The following MYO5C variants were observed in gnomAD, a reference collection of about 807,000 sequenced individuals.
MYO5C encodes the protein myosin VC.
MYO5C carries 194 observed loss-of-function variants against 235.7 expected under a neutral mutation model. The ratio of observed to expected loss-of-function variants is 0.82; its 90% confidence interval spans 0.73 to 0.93. The LOEUF is 0.93. MYO5C is among the 40% of genes least tolerant of loss of function. MYO5C has a pLI of 0.00. For missense variants in MYO5C, 2,038 were observed against 2,127.2 expected, an observed-to-expected ratio of 0.96 and a Z score of 0.82; for synonymous variants, 707 against 754.8, an observed-to-expected ratio of 0.94 and a Z score of 1.04.
chr15:52,248,203 C>T (rs888410018), intron 14 of MYO5C, among the ~76,000 whole-genome samples: 4 of 152,070 alleles, frequency 2.6e-5, no homozygotes, highest in African/African-American at 9.7e-5. Flanking sequence ...AGTGCAGTGG[C>T]GCAATCATGG....
At chr15:52,271,919 G>T in intron 6 of MYO5C, 75 bp from the exon 7 acceptor site, 1 of 849,244 alleles carries the variant, frequency 1.2e-6, no homozygotes, top group Non-Finnish European at 1.9e-6. Flanking sequence ...TAACTAGAGG[G>T]TCCTAGATAT....
Position 52,295,781 on chromosome 15 carries a change from T to TGTTCCC in MYO5C, c.-151_-146dup, listed in dbSNP as rs2037491300. 2.0e-6 allele frequency: 1 copy of TGTTCCC among 510,534 alleles called. No individual in the cohort carries two copies. The highest frequency in any genetic ancestry group is 2.0e-5 in the African/African-American group (1 of 49,836). 31.6% of individuals were successfully genotyped at this position (510,534 alleles called of 1,614,324 possible). A position where few individuals can be genotyped will look rare whatever the true frequency, so the allele number is the denominator to read the frequency against. ...TGCCCAAAGTTTTCCAACGGCCTCCTGTTCCCGTTCCCGAGTTGGCGGCGA... is the reference window on the plus strand; with the variant it reads ...TGCCCAAAGTTTTCCAACGGCCTCCTGTTCCCGTTCCCGTTCCCGAGTTGGCGGCGA... On this transcript the variant is annotated 5_prime_UTR_variant, in exon 1 of 41. Coordinates refer to ENST00000261839, the MANE Select transcript of MYO5C (RefSeq NM_018728.4).
Position 52,253,297 on chromosome 15 carries a change from C to A in MYO5C, c.1536+20G>T, listed in dbSNP as rs1194158489. ...GTTACTACTTAAAAGCTGAAAAAAA[C>A]AATTATTCTTAAAAGTTACCAAACA... On this transcript the variant is annotated intron_variant, in intron 12 of 40. Coordinates refer to ENST00000261839, the MANE Select transcript of MYO5C (RefSeq NM_018728.4). 6.3e-7 allele frequency: 1 copy of A among 1,594,776 alleles called. No homozygotes were observed. Among genetic ancestry groups the A allele is most frequent in the South Asian group, 1.1e-5 (1 of 88,490 alleles).
intron 21 of MYO5C, among the ~76,000 whole-genome samples, chr15:52,239,356 A>T (rs143560385): frequency 4.6e-5 from 7 of 152,344 alleles, no homozygotes; most frequent in Non-Finnish European, 8.8e-5. Context: ...TAGAAATGGC[A>T]GCTCCTCTGA....
intron 36 of MYO5C, among the ~76,000 whole-genome samples, chr15:52,207,733 G>T (rs768512356): frequency 6.6e-6 from 1 of 152,114 alleles, no homozygotes; most frequent in Non-Finnish European, 1.5e-5. Flanking sequence ...AGGAAAATTA[G>T]AAGCTAAGCT....
At chr15:52,247,628 C>G (rs55870025) in intron 14 of MYO5C, 36 bp from the exon 15 acceptor site, 9 of 1,609,658 alleles carry the variant, frequency 5.6e-6, no homozygotes, top group Non-Finnish European at 7.6e-6. Flanking sequence ...TGTCCAAAAG[C>G]AACTGCCCAC....
chr15:52,221,184 A>G lies in MYO5C; in HGVS notation c.3699T>C (p.Asn1233=). The G allele has an allele frequency of 6.2e-7, 1 of 1,612,868 alleles. No homozygotes were observed. The highest frequency in any genetic ancestry group is 8.5e-7 in the Non-Finnish European group (1 of 1,179,432). The change falls in exon 30 of 41, where the codon AAT becomes AAC. Residue 1233 remains asparagine, a synonymous_variant. Coordinates refer to ENST00000261839, the MANE Select transcript of MYO5C (RefSeq NM_018728.4). ...TACCTTTCATTTTCTCAGCTTGTTC[A>G]TTCAGGCGGATTTCAAGATCTTGCT... The part of the protein sequence containing the change: ...KQKQDLEIRL[N]EQAEKMKGKL...
At chr15:52,233,553 G>A (rs2036015042) in intron 23 of MYO5C, among the ~76,000 whole-genome samples, 1 of 152,310 alleles carries the variant, frequency 6.6e-6, no homozygotes, top group South Asian at 2.1e-4. Flanking sequence ...TCTGGGGGGT[G>A]AGGTGGCAGC....
chr15:52,239,626 C>A, intron 21 of MYO5C, 107 bp downstream of exon 21: 1 of 1,240,484 alleles, frequency 8.1e-7, no homozygotes. Flanking sequence ...TAAACTGAAC[C>A]TCCTAACATG....
At chr15:52,274,809 TTGTC>T (rs1304754405) in intron 5 of MYO5C, among the ~76,000 whole-genome samples, 2 of 152,196 alleles carry the variant, frequency 1.3e-5, no homozygotes, top group African/African-American at 2.4e-5. Context: ...ACAGAGTAGA[TTGTC>T]TGATAAATAT....
At chr15:52,295,187 C>A (rs1365279557) in intron 1 of MYO5C, among the ~76,000 whole-genome samples, 1 of 152,182 alleles carries the variant, frequency 6.6e-6, no homozygotes, top group Non-Finnish European at 1.5e-5. Flanking sequence ...TCCGCATGGG[C>A]AACTCTGATT....
rs138087347 is a variant in MYO5C at position 52,275,182 on chromosome 15, T to C, written c.606+380A>G. On this transcript the variant is annotated intron_variant, in intron 5 of 40. Transcript: ENST00000261839. ...CTGACTGATGTCAAACTACCAAAGG[T>C]TTATCAATCAGCTTGCAAAATTCCT... Among the ~76,000 whole-genome samples, 375 of 152,290 alleles carry C rather than the reference T, an allele frequency of 2.5e-3. 7 individuals carry two copies. Among genetic ancestry groups the C allele is most frequent in the East Asian group, 0.024 (124 of 5,184 alleles).
Position 52,269,812 on chromosome 15 carries a change from A to G in MYO5C, c.881T>C (p.Ile294Thr), listed in dbSNP as rs1042854326. The change falls in exon 8 of 41, where the codon ATT becomes ACT. Residue 294 changes from isoleucine (I) to threonine (T), a missense_variant. Ile to Thr is a moderately conservative substitution (Grantham distance 89, BLOSUM62 -1). Transcript: ENST00000261839. ...TTCAGCTCGATCATTCACACCCTCAATGACAGTATTGCCTCCCATTCTTGT... is the reference window on the plus strand; with the variant it reads ...TTCAGCTCGATCATTCACACCCTCAGTGACAGTATTGCCTCCCATTCTTGT... ...NYTRMGGNTV[I>T]EGVNDRAEMV... 3 of 1,613,790 alleles carry G rather than the reference A, an allele frequency of 1.9e-6. No individual in the cohort carries two copies. Among genetic ancestry groups the G allele is most frequent in the Non-Finnish European group, 2.5e-6 (3 of 1,179,860 alleles).
At chr15:52,214,725 G>A (rs1167035401) in intron 32 of MYO5C, 35 bp from the exon 33 acceptor site, 8 of 1,412,860 alleles carry the variant, frequency 5.7e-6, no homozygotes, top group Non-Finnish European at 7.7e-6. Context: ...ATTTAGCTTA[G>A]AAGCACTTTA....
At chr15:52,260,732 G>T in intron 10 of MYO5C, 130 bp downstream of exon 10, 1 of 1,044,232 alleles carries the variant, frequency 9.6e-7, no homozygotes. Flanking sequence ...AGCATCTATA[G>T]GGGCAAAAGC....
At chr15:52,223,042 G>A (rs566064269) in intron 29 of MYO5C, among the ~76,000 whole-genome samples, 31 of 151,982 alleles carry the variant, frequency 2.0e-4, no homozygotes, top group East Asian at 1.9e-3. Flanking sequence ...CCAGCTACTC[G>A]GGAGGCTGAG....
At chr15:52,206,813 A>C (rs1210382497) in intron 36 of MYO5C, among the ~76,000 whole-genome samples, 3 of 152,218 alleles carry the variant, frequency 2.0e-5, no homozygotes, top group Admixed American at 6.5e-5. Context: ...GTTCAAAGAG[A>C]CTAAAGAAAA....
chr15:52,244,474 G>A lies in MYO5C; in HGVS notation c.2272C>T (p.Gln758Ter), dbSNP rs1311960226. 1 of 1,614,152 alleles carries A rather than the reference G, an allele frequency of 6.2e-7. No homozygotes were observed. Among genetic ancestry groups the A allele is most frequent in the East Asian group, 2.2e-5 (1 of 44,886 alleles). Residue 758 changes from glutamine (Q) to a stop codon, truncating the protein, a stop_gained, in exon 19 of 41, where the codon CAG becomes TAG. Coordinates refer to ENST00000261839, the MANE Select transcript of MYO5C (RefSeq NM_018728.4). LOFTEE classifies it high-confidence loss of function. ...LEKLRLDKLR[Q>*]SCVMVQKHMR... ...TGCTTTTGTACCATAACACAACTCTGCCTCAGTTTATCCAATCGAAGTTTC... is the reference window on the plus strand; with the variant it reads ...TGCTTTTGTACCATAACACAACTCTACCTCAGTTTATCCAATCGAAGTTTC...
intron 1 of MYO5C, among the ~76,000 whole-genome samples, chr15:52,292,029 G>A (rs544557432): frequency 2.6e-5 from 4 of 152,136 alleles, no homozygotes; most frequent in South Asian, 4.2e-4. Flanking sequence ...GTGAGCCACC[G>A]CACCCGGCCG....
Sources: allele counts gnomAD v4.1 joint callset (sites outside exome capture counted in the v4.1 genomes callset), GRCh38; gene constraint gnomAD v4.1.1; transcripts MANE v1.5; gene names NCBI Gene and HGNC (gene_info 2026-07-23, HGNC 2026-07-21).